The following ABI2 variants were observed in gnomAD, a reference collection of about 807,000 sequenced individuals.
ABI2 encodes abl interactor 2, also known as abelson interactor 2.
Under a neutral mutation model 59.2 loss-of-function variants are expected in ABI2, and 25 were observed. That is an observed-to-expected ratio of 0.42 (90% confidence interval 0.31 to 0.59). The LOEUF (loss-of-function observed/expected upper bound fraction) is 0.59. ABI2 is among the 20% of genes least tolerant of loss of function. The pLI, the probability that ABI2 is intolerant of heterozygous loss-of-function variation, is 0.14. For synonymous variants in ABI2, 213 were observed against 235.5 expected (o/e 0.90, Z 0.87); for missense variants, 545 against 681.8 (o/e 0.80, Z 2.23).
At chr2:203,359,845 TGG>T (rs34499527) in intron 1 of ABI2, among the ~76,000 whole-genome samples, 2 of 151,406 alleles carry the variant, frequency 1.3e-5, no homozygotes, top group Non-Finnish European at 2.9e-5. Flanking sequence ...TGTACATTTT[TGG>T]GGGGGGGACA....
chr2:203,414,066 A>G (rs1271095462), intron 10 of ABI2, among the ~76,000 whole-genome samples: 1 of 150,670 alleles, frequency 6.6e-6, no homozygotes, highest in Non-Finnish European at 1.5e-5. Flanking sequence ...GTTCTTTGAA[A>G]GTTTCTTGCT....
At chr2:203,401,195 GT>G (rs1170867002) in intron 8 of ABI2, among the ~76,000 whole-genome samples, 11 of 148,712 alleles carry the variant, frequency 7.4e-5, no homozygotes, top group South Asian at 2.1e-4. Flanking sequence ...TAGCAAAAGT[GT>G]TTTTTTTTTC....
At chr2:203,374,968 C>T (rs911888609) in intron 2 of ABI2, 3 of 373,614 alleles carry the variant, frequency 8.0e-6, no homozygotes, top group Non-Finnish European at 1.7e-5. Flanking sequence ...TCTGCTGTGG[C>T]CTGAGCATGT....
At chr2:203,334,266 G>A (rs1343971303) in intron 1 of ABI2, among the ~76,000 whole-genome samples, 1 of 151,924 alleles carries the variant, frequency 6.6e-6, no homozygotes, top group Admixed American at 6.6e-5. Flanking sequence ...TCTTACCTTG[G>A]TATGGGTAAT....
At position 203,366,865 on chromosome 2, in the gene ABI2, T is replaced by A; in HGVS notation, c.118-12T>A. ...TTTGAATTAATGATCACTGGTTTGT[T>A]TTTTTTCCCAGTCAGCAGATAAGCA... On this transcript the variant is annotated splice_polypyrimidine_tract_variant and intron_variant, in intron 1 of 11. Transcript: ENST00000261018. The A allele has an allele frequency of 6.5e-7, 1 of 1,529,004 alleles. No individual in the cohort carries two copies. Among genetic ancestry groups the A allele is most frequent in the Non-Finnish European group, 8.8e-7 (1 of 1,133,186 alleles). 94.7% of individuals were successfully genotyped at this position (1,529,004 alleles called of 1,614,324 possible).
chr2:203,401,703 CAAAGT>C (rs1232367952), intron 8 of ABI2, among the ~76,000 whole-genome samples: 4 of 151,860 alleles, frequency 2.6e-5, no homozygotes, highest in African/African-American at 4.8e-5. Flanking sequence ...AATTTTAAGA[CAAAGT>C]AATGTAGCTT....
intron 2 of ABI2, among the ~76,000 whole-genome samples, chr2:203,375,555 G>T (rs2095625182): frequency 6.6e-6 from 1 of 152,258 alleles, no homozygotes; most frequent in South Asian, 2.1e-4. Context: ...GAGGGCAAAT[G>T]CCATAATTAC....
At position 203,429,298 on chromosome 2, in the gene ABI2, T is replaced by C. The variant is rs1416949916; in HGVS notation, c.*1946T>C. ...GTCCTCTGAGCCTTCAGCTCCATTA[T>C]GGACCCAAACTAGACTATACTTGGA... On this transcript the variant is annotated 3_prime_UTR_variant, in exon 12 of 12. Coordinates refer to ENST00000261018, the MANE Select transcript of ABI2 (RefSeq NM_001375670.1). 2.6e-5 allele frequency: 4 copies of C among 152,256 alleles called. No individual in the cohort carries two copies. Among genetic ancestry groups the C allele is most frequent in the Admixed American group, 1.3e-4 (2 of 15,290 alleles). 9.4% of individuals were successfully genotyped at this position (152,256 alleles called of 1,614,324 possible).
At chr2:203,424,432 T>C (rs1335741398) in intron 11 of ABI2, among the ~76,000 whole-genome samples, 1 of 152,222 alleles carries the variant, frequency 6.6e-6, no homozygotes, top group East Asian at 1.9e-4. Context: ...TCTCGTTCTG[T>C]CACCTGGGCT....
intron 1 of ABI2, among the ~76,000 whole-genome samples, chr2:203,350,212 GA>G (rs957896407): frequency 9.2e-5 from 14 of 152,318 alleles, no homozygotes; most frequent in African/African-American, 2.9e-4. Flanking sequence ...GAGTAGCTGG[GA>G]TTATGGGTGT....
At position 203,402,636 on chromosome 2, in the gene ABI2, T is replaced by C. The variant is rs745868936; in HGVS notation, c.1094T>C (p.Ile365Thr). The change falls in exon 9 of 12, where the codon ATA (isoleucine) becomes ACA (threonine). Residue 365 changes from isoleucine to threonine, a missense_variant. Around this residue, in one of 4 missense-constraint regions of ABI2, gnomAD observed 410 missense variants for 435.6 expected, o/e 0.94. Transcript: ENST00000261018. Reference protein sequence around the residue: ...RPASRHTPPTIGGSLPYRRPP... With the variant: ...RPASRHTPPTTGGSLPYRRPP... ...GCCTCTCGCCATACTCCCCCAACAATAGGGGGCTCGTTGCCCTATAGACGC... is the reference window on the plus strand; with the variant it reads ...GCCTCTCGCCATACTCCCCCAACAACAGGGGGCTCGTTGCCCTATAGACGC... 7 of 1,607,608 alleles carry C rather than the reference T, an allele frequency of 4.4e-6. No homozygotes were observed. The highest frequency in any genetic ancestry group is 1.7e-5 in the Admixed American group (1 of 58,644).
intron 2 of ABI2, among the ~76,000 whole-genome samples, chr2:203,370,707 A>G (rs999891511): frequency 6.6e-6 from 1 of 152,164 alleles, no homozygotes; most frequent in Non-Finnish European, 1.5e-5. Context: ...TTTTTGTGCA[A>G]CTTGGGCAAA....
intron 10 of ABI2, among the ~76,000 whole-genome samples, chr2:203,411,866 T>G (rs1057358495): frequency 6.6e-6 from 1 of 152,204 alleles, no homozygotes; most frequent in African/African-American, 2.4e-5. Flanking sequence ...AGGTAACTAA[T>G]TTTGTTCATA....
intron 1 of ABI2, among the ~76,000 whole-genome samples, chr2:203,337,051 G>A (rs1440259318): frequency 2.0e-5 from 3 of 152,120 alleles, no homozygotes; most frequent in Admixed American, 2.0e-4. Flanking sequence ...ACCATGAAAA[G>A]TTGAAACCTT....
In ABI2 at chr2:203,396,815, T is replaced by G; in HGVS notation, c.881T>G (p.Leu294Arg). ...APAGSAGTPP[L>R]PATSASAPAP... The stretch of plus-strand genomic sequence containing the variant: ...GCTGGCTCTGCTGGCACTCCTCCCC[T>G]TCCTGCTACTTCTGCATCTGCCCCT... Residue 294 changes from leucine to arginine, a missense_variant, in exon 8 of 12, where the codon CTT becomes CGT. Coordinates refer to ENST00000261018, the MANE Select transcript of ABI2 (RefSeq NM_001375670.1). 1 of 1,534,052 alleles carries G rather than the reference T, an allele frequency of 6.5e-7. No individual in the cohort carries two copies.
At chr2:203,386,574 A>C (rs960177629) in intron 4 of ABI2, 1 of 319,592 alleles carries the variant, frequency 3.1e-6, no homozygotes, top group East Asian at 1.7e-4. Flanking sequence ...GTTTTTCTCT[A>C]TGAAACATTC....
chr2:203,410,102 C>T (rs1271866434), intron 9 of ABI2, among the ~76,000 whole-genome samples: 1 of 152,176 alleles, frequency 6.6e-6, no homozygotes, highest in African/African-American at 2.4e-5. Context: ...GATTATCTTT[C>T]TCAACCCCTG....
At chr2:203,375,953 G>A (rs1053612900) in intron 2 of ABI2, 13 of 824,428 alleles carry the variant, frequency 1.6e-5, no homozygotes, top group African/African-American at 5.1e-5. Context: ...GTTCAACCCC[G>A]TGTGGTAGTA....
chr2:203,329,491 A>T (rs778006024), intron 1 of ABI2, among the ~76,000 whole-genome samples: 4 of 151,918 alleles, frequency 2.6e-5, no homozygotes, highest in Non-Finnish European at 5.9e-5. Context: ...GGATTAAAAA[A>T]ATCCTTCTTT....
Sources: gnomAD v4.1 joint callset for allele counts (sites outside exome capture counted in the v4.1 genomes callset) on GRCh38, gnomAD v4.1.1 for gene constraint, gnomAD v4.1.1 regional missense constraint, MANE v1.5 for transcripts, NCBI Gene and HGNC (gene_info 2026-07-23, HGNC 2026-07-21) for gene names.